The following RBFOX1 variants were observed in gnomAD, a reference collection of about 807,000 sequenced individuals.
The protein encoded by RBFOX1 is RNA binding protein fox-1 homolog 1.
RBFOX1 carries 8 observed loss-of-function variants against 57.7 expected under a neutral mutation model. The observed-to-expected ratio is 0.14, with a 90% CI of 0.08 to 0.25. The LOEUF is 0.25. RBFOX1 is among the 10% of genes least tolerant of loss of function. The pLI is 1.00. For synonymous variants in RBFOX1, 326 were observed against 222.4 expected (o/e 1.47, Z -4.15); for missense variants, 611 against 548.5 (o/e 1.11, Z -1.14).
At chr16:5,706,762 G>A (rs890410212) in intron 3 of RBFOX1, among the ~76,000 whole-genome samples, 5 of 151,960 alleles carry the variant, frequency 3.3e-5, no homozygotes, top group Admixed American at 2.6e-4. Flanking sequence ...TGTCTCCGGG[G>A]GCACCCCTAT....
chr16:5,933,532 G>C (rs528834556), intron 4 of RBFOX1, among the ~76,000 whole-genome samples: 1 of 152,300 alleles, frequency 6.6e-6, no homozygotes, highest in East Asian at 1.9e-4. Flanking sequence ...TGCTCCTGCA[G>C]GGAAAAGTGA....
chr16:5,419,877 G>A (rs2151482200), intron 1 of RBFOX1, among the ~76,000 whole-genome samples: 1 of 152,202 alleles, frequency 6.6e-6, no homozygotes, highest in East Asian at 1.9e-4. Flanking sequence ...GGGACCCTGG[G>A]TGATAGCACC....
chr16:7,003,971 C>T (rs914301076), intron 3 of RBFOX1: 25 of 148,784 alleles, frequency 1.7e-4, no homozygotes, highest in Non-Finnish European at 2.7e-4. Context: ...CCCATTTTCC[C>T]AGGGTAGAAA....
chr16:6,559,612 A>T (rs1224601715), intron 2 of RBFOX1, among the ~76,000 whole-genome samples: 1 of 129,048 alleles, frequency 7.7e-6, no homozygotes, highest in African/African-American at 2.7e-5. Context: ...GTGTATATAT[A>T]TACATACATA....
chr16:7,419,036 C>T (rs1039695670), intron 4 of RBFOX1, among the ~76,000 whole-genome samples: 1 of 152,124 alleles, frequency 6.6e-6, no homozygotes, highest in Non-Finnish European at 1.5e-5. Context: ...CCTGGAGTAG[C>T]TGGGACTACA....
chr16:6,328,085 C>G (rs56371995), intron 2 of RBFOX1, among the ~76,000 whole-genome samples: 1 of 152,044 alleles, frequency 6.6e-6, no homozygotes, highest in Admixed American at 6.5e-5. Context: ...GTGACACAAA[C>G]ACACATAATG....
At chr16:5,680,241 T>A (rs79760357) in intron 3 of RBFOX1, among the ~76,000 whole-genome samples, 1,695 of 152,326 alleles carry the variant, frequency 0.011, 31 homozygotes, top group African/African-American at 0.038. Flanking sequence ...GCAGTGTGGC[T>A]TAATGAAAAT....
intron 1 of RBFOX1, among the ~76,000 whole-genome samples, chr16:6,217,855 A>G (rs762607796): frequency 6.6e-6 from 1 of 152,130 alleles, no homozygotes; most frequent in Non-Finnish European, 1.5e-5. Context: ...TATCTAGTAA[A>G]ACTACAAACA....
chr16:5,582,570 T>C (rs55716861), intron 2 of RBFOX1, among the ~76,000 whole-genome samples: 1 of 142,458 alleles, frequency 7.0e-6, no homozygotes, highest in Non-Finnish European at 1.5e-5. Flanking sequence ...TTTTTTTTTT[T>C]TTAAACGGAG....
rs544532154 is a variant in RBFOX1 at position 5,865,203 on chromosome 16, C to T, written c.319-2100C>T. On this transcript the variant is annotated intron_variant, in intron 3 of 19. Transcript: ENST00000641259. ...TCATAGCTGTTGAATATCATATTTC[C>T]CTGACATATTCCTGTTGGTTTTCAG... 6.8e-4 allele frequency among the ~76,000 whole-genome samples: 104 copies of T among 152,240 alleles called. 1 individual carries two copies. Among genetic ancestry groups the T allele is most frequent in the African/African-American group, 2.5e-3 (103 of 41,524 alleles).
intron 2 of RBFOX1, among the ~76,000 whole-genome samples, chr16:6,508,174 G>A (rs1313246867): frequency 6.6e-6 from 1 of 152,130 alleles, no homozygotes; most frequent in African/African-American, 2.4e-5. Flanking sequence ...GAGAACGCAT[G>A]GACACATAGA....
At chr16:7,197,933 T>C (rs1476946214) in intron 4 of RBFOX1, among the ~76,000 whole-genome samples, 1 of 151,582 alleles carries the variant, frequency 6.6e-6, no homozygotes, top group Non-Finnish European at 1.5e-5. Context: ...AACTGAAAAA[T>C]GATCATGTGT....
At chr16:5,664,479 G>A (rs1194793984) in intron 3 of RBFOX1, among the ~76,000 whole-genome samples, 4 of 152,168 alleles carry the variant, frequency 2.6e-5, no homozygotes, top group East Asian at 1.9e-4. Context: ...CCCGGGAGGC[G>A]GAGGTTGCAA....
chr16:6,527,027 CGTT>C (rs1048800514), intron 2 of RBFOX1, among the ~76,000 whole-genome samples: 1 of 151,860 alleles, frequency 6.6e-6, no homozygotes, highest in African/African-American at 2.4e-5. Context: ...TGCTTTTAAA[CGTT>C]ATTATTAGCC....
intron 1 of RBFOX1, among the ~76,000 whole-genome samples, chr16:5,253,140 C>CTTTT (rs879461678): frequency 6.8e-6 from 1 of 148,118 alleles, no homozygotes; most frequent in Non-Finnish European, 1.5e-5. Flanking sequence ...CTGTGTCATT[C>CTTTT]TTTTTTTTTT....
chr16:5,537,463 C>G (rs973248515), intron 2 of RBFOX1, among the ~76,000 whole-genome samples: 1 of 152,224 alleles, frequency 6.6e-6, no homozygotes, highest in African/African-American at 2.4e-5. Context: ...TGGCATGGGT[C>G]TTACTGGGTT....
intron 3 of RBFOX1, among the ~76,000 whole-genome samples, chr16:6,860,507 G>T (rs1199193657): frequency 2.0e-5 from 3 of 152,154 alleles, no homozygotes; most frequent in African/African-American, 7.2e-5. Flanking sequence ...GCTCACTTTA[G>T]TAACATCATG....
intron 4 of RBFOX1, among the ~76,000 whole-genome samples, chr16:7,162,658 G>T (rs973283914): frequency 6.6e-6 from 1 of 151,892 alleles, no homozygotes; most frequent in Non-Finnish European, 1.5e-5. Flanking sequence ...GAACCTGGGA[G>T]ACAGAGGTTG....
Position 7,127,552 on chromosome 16 carries a change from C to T in RBFOX1, c.27+75454C>T, listed in dbSNP as rs188670951. On this transcript the variant is annotated intron_variant, in intron 4 of 15. Coordinates refer to ENST00000550418, the MANE Select transcript of RBFOX1 (RefSeq NM_018723.4). The stretch of plus-strand genomic sequence containing the variant: ...ATATGGTGTGTACTGTATGTGTATG[C>T]ACGAGCGTGCATGTGTGTGGGGAAT... 9.5e-4 allele frequency among the ~76,000 whole-genome samples: 145 copies of T among 152,210 alleles called. 1 individual carries two copies. Among genetic ancestry groups the T allele is most frequent in the Middle Eastern group, 3.4e-3 (1 of 294 alleles).
Sources: allele counts gnomAD v4.1 joint callset (sites outside exome capture counted in the v4.1 genomes callset), GRCh38; gene constraint gnomAD v4.1.1; transcripts MANE v1.5; gene names NCBI Gene and HGNC (gene_info 2026-07-23, HGNC 2026-07-21).